Variants in STOM observed in about 807,000 individuals in gnomAD.
The protein encoded by STOM is stomatin.
A neutral mutation model predicts 30.6 loss-of-function variants in STOM; 25 were observed. That is an observed-to-expected ratio of 0.82 (90% confidence interval 0.60 to 1.14). STOM has a LOEUF of 1.14. STOM is among the 50% of genes most tolerant of loss of function. The pLI, the probability that STOM is intolerant of heterozygous loss-of-function variation, is 0.00. For synonymous variants in STOM, 118 were observed against 130.8 expected (o/e 0.90, Z 0.67); for missense variants, 292 against 365.2 (o/e 0.80, Z 1.63).
In STOM at chr9:121,357,404, T is replaced by A. The variant is rs186279618; in HGVS notation, c.62-1248A>T. Among the ~76,000 whole-genome samples the A allele has an allele frequency of 3.3e-3, 476 of 145,884 alleles. 5 individuals carry two copies. The highest frequency in any genetic ancestry group is 6.1e-3 in the Non-Finnish European group (405 of 66,568). On this transcript the variant is annotated intron_variant, in intron 1 of 6. Coordinates refer to ENST00000286713, the MANE Select transcript of STOM (RefSeq NM_004099.6). ...ATATTCTTTGAAAATTTTCCTAGTG[T>A]ACACACCATATTTTTAAATGATATA...
chr9:121,349,406 C>T (rs1349518810), intron 4 of STOM, 83 bp from the exon 5 acceptor site: 2 of 1,179,196 alleles, frequency 1.7e-6, no homozygotes, highest in East Asian at 4.8e-5. Flanking sequence ...TACAGAATAT[C>T]TTATAACACT....
chr9:121,354,827 T>C (rs953106050), intron 2 of STOM, among the ~76,000 whole-genome samples, 154 bp from the exon 3 acceptor site: 15 of 152,356 alleles, frequency 9.8e-5, no homozygotes, highest in African/African-American at 3.4e-4. Flanking sequence ...GTCCAATGTT[T>C]ACCTTCTCAA....
chr9:121,349,033 G>T, intron 5 of STOM, 87 bp downstream of exon 5: 1 of 1,439,942 alleles, frequency 6.9e-7, no homozygotes, highest in Non-Finnish European at 9.4e-7. Context: ...CCCACAACTT[G>T]AATTAATAAA....
At chr9:121,356,812 G>A (rs754104597) in intron 1 of STOM, among the ~76,000 whole-genome samples, 100 of 152,026 alleles carry the variant, frequency 6.6e-4, no homozygotes, top group Non-Finnish European at 1.3e-3. Context: ...ATAAAACCCC[G>A]TCTCTACTAA....
Position 121,341,428 on chromosome 9 carries a change from G to A in STOM, c.661-20C>T, listed in dbSNP as rs1589284878. 1 of 1,612,080 alleles carries A rather than the reference G, an allele frequency of 6.2e-7. No individual in the cohort carries two copies. Reference sequence around the variant, plus strand: ...AATAACCTATGGACAGGTGAAAGGAGGGGTTGAACTGGAGAAAACCTCATG... The same window carrying A: ...AATAACCTATGGACAGGTGAAAGGAAGGGTTGAACTGGAGAAAACCTCATG... On this transcript the variant is annotated intron_variant, in intron 6 of 6. Coordinates refer to ENST00000286713, the MANE Select transcript of STOM (RefSeq NM_004099.6).
At chr9:121,357,416 T>A (rs375707809) in intron 1 of STOM, among the ~76,000 whole-genome samples, 1 of 139,132 alleles carries the variant, frequency 7.2e-6, no homozygotes, top group Non-Finnish European at 1.5e-5. Context: ...CACACCATAT[T>A]TTTAAATGAT....
chr9:121,369,840 G>A (rs897071160), intron 1 of STOM: 6 of 391,902 alleles, frequency 1.5e-5, no homozygotes, highest in Admixed American at 4.1e-5. Context: ...TGCGTGACAC[G>A]AGATAGTGCA....
rs1589292093 is a variant in STOM at position 121,353,273 on chromosome 9, T to A, written c.268A>T (p.Ser90Cys). The A allele has an allele frequency of 6.2e-7, 1 of 1,612,096 alleles. No individual in the cohort carries two copies. Among genetic ancestry groups the A allele is most frequent in the South Asian group, 1.1e-5 (1 of 90,746 alleles). The stretch of plus-strand genomic sequence containing the variant: ...GTTCTCATGTCCACTTTGATGAAGC[T>A]GTCAGTGCATGGCAGAATAAAAAAC... Reference protein sequence around the residue: ...GLFFILPCTDSFIKVDMRTIS... With the variant: ...GLFFILPCTDCFIKVDMRTIS... The change falls in exon 4 of 7, where the codon AGC becomes TGC. Residue 90 changes from serine to cysteine, a missense_variant. Physicochemically the swap from Ser to Cys is moderately radical, Grantham distance 112. Coordinates refer to ENST00000286713, the MANE Select transcript of STOM (RefSeq NM_004099.6).
chr9:121,369,071 A>G (rs1001559539), intron 1 of STOM, among the ~76,000 whole-genome samples: 6 of 152,232 alleles, frequency 3.9e-5, no homozygotes, highest in Non-Finnish European at 7.3e-5. Context: ...TTAGTAGACA[A>G]AAAGTGAGGA....
At position 121,348,149 on chromosome 9, in the gene STOM, A is replaced by G; in HGVS notation, c.526T>C (p.Ser176Pro). ...DREEIAHNMQ[S>P]TLDDATDAWG... is the part of the protein sequence containing the mutation. ...GCATCAGTGGCATCATCCAGAGTAGACTGTTAGGAAGAGAGAAGGCAAGCT... is the reference window on the plus strand; with the variant it reads ...GCATCAGTGGCATCATCCAGAGTAGGCTGTTAGGAAGAGAGAAGGCAAGCT... Residue 176 changes from serine (S) to proline (P), a missense_variant and splice_region_variant, in exon 6 of 7, where the codon TCT (serine) becomes CCT (proline). By Grantham distance (74) the Ser-to-Pro change is moderately conservative (BLOSUM62 -1). Transcript: ENST00000286713. 2 of 1,614,120 alleles carry G rather than the reference A, an allele frequency of 1.2e-6. No individual in the cohort carries two copies. The highest frequency in any genetic ancestry group is 1.7e-6 in the Non-Finnish European group (2 of 1,179,998).
intron 4 of STOM, among the ~76,000 whole-genome samples, chr9:121,349,737 C>T (rs1213658497): frequency 6.6e-6 from 1 of 152,024 alleles, no homozygotes; most frequent in Non-Finnish European, 1.5e-5. Context: ...GAGAGAGGCA[C>T]TAGAGAGTCA....
rs1489242507 is a variant in STOM, at chr9:121,341,219, G to A, written c.850C>T (p.His284Tyr). Reference sequence around the variant, plus strand: ...TCTCTACACTAGCCTAGATGGCTGTGTTTTGCCCCTATGATTCCTTGCAGC... The same window carrying A: ...TCTCTACACTAGCCTAGATGGCTGTATTTTGCCCCTATGATTCCTTGCAGC... The part of the protein sequence containing the change: ...DMLQGIIGAK[H>Y]SHLG Residue 284 changes from histidine (H) to tyrosine (Y), a missense_variant, in exon 7 of 7, where the codon CAC becomes TAC. By Grantham distance (83) the His-to-Tyr change is moderately conservative (BLOSUM62 2). Coordinates refer to ENST00000286713, the MANE Select transcript of STOM (RefSeq NM_004099.6). The A allele has an allele frequency of 1.2e-6, 2 of 1,614,042 alleles. No individual in the cohort carries two copies. The highest frequency in any genetic ancestry group is 3.3e-5 in the Admixed American group (2 of 59,988).
Position 121,339,436 on chromosome 9 carries a change from C to G in STOM, c.*1766G>C. 1.2e-6 allele frequency: 1 copy of G among 855,116 alleles called. No homozygotes were observed. The highest frequency in any genetic ancestry group is 1.5e-6 in the Non-Finnish European group (1 of 649,436). 53.0% of individuals were successfully genotyped at this position (855,116 alleles called of 1,614,324 possible). On this transcript the variant is annotated 3_prime_UTR_variant, in exon 7 of 7. Coordinates refer to ENST00000286713, the MANE Select transcript of STOM (RefSeq NM_004099.6). ...GAGTTTAAGTTGCACTGCTCCATAC[C>G]TCTAATAAACTCAGCTAGGAGCCAG...
chr9:121,365,720 A>G (rs2064496683), intron 1 of STOM, among the ~76,000 whole-genome samples: 1 of 152,146 alleles, frequency 6.6e-6, no homozygotes, highest in South Asian at 2.1e-4. Context: ...TATCAGTAAA[A>G]TGGGGAAAAG....
At chr9:121,362,215 G>A (rs1341479048) in intron 1 of STOM, among the ~76,000 whole-genome samples, 1 of 152,124 alleles carries the variant, frequency 6.6e-6, no homozygotes, top group East Asian at 1.9e-4. Context: ...AAAAGCAAAA[G>A]TTACTATAAA....
At chr9:121,347,168 TCTC>T (rs1232635477) in intron 6 of STOM, among the ~76,000 whole-genome samples, 1 of 152,148 alleles carries the variant, frequency 6.6e-6, no homozygotes, top group African/African-American at 2.4e-5. Context: ...AGCTAGACAT[TCTC>T]CACCACAAGC....
intron 1 of STOM, among the ~76,000 whole-genome samples, chr9:121,360,210 G>A (rs2064436826): frequency 6.6e-6 from 1 of 152,132 alleles, no homozygotes; most frequent in African/African-American, 2.4e-5. Flanking sequence ...AGCTAGATAT[G>A]TCTTTTTCTT....
intron 1 of STOM, among the ~76,000 whole-genome samples, chr9:121,369,216 C>A (rs2064536606): frequency 6.6e-6 from 1 of 152,204 alleles, no homozygotes; most frequent in East Asian, 1.9e-4. Context: ...ATAGATGACT[C>A]CAATGTCATG....
In STOM at chr9:121,370,241, C is replaced by A; in HGVS notation, c.-54G>T. ...GTCCTCGTTGCCAAACCCGGAGCCG[C>A]CGGGAATGCCCTGAGGAGCCAGAGG... On this transcript the variant is annotated 5_prime_UTR_variant, in exon 1 of 7. Coordinates refer to ENST00000286713, the MANE Select transcript of STOM (RefSeq NM_004099.6). 1.3e-6 allele frequency: 2 copies of A among 1,522,306 alleles called. No homozygotes were observed. The highest frequency in any genetic ancestry group is 1.2e-5 in the South Asian group (1 of 83,082). The allele number at this position is 1,522,306 out of a possible 1,614,324, so 94.3% of individuals were successfully genotyped here.
Sources: allele counts gnomAD v4.1 joint callset (sites outside exome capture counted in the v4.1 genomes callset), GRCh38; gene constraint gnomAD v4.1.1; transcripts MANE v1.5; gene names NCBI Gene and HGNC (gene_info 2026-07-23, HGNC 2026-07-21).